The following UNC5C variants were observed in gnomAD, a reference collection of about 807,000 sequenced individuals.
UNC5C encodes the protein unc-5 netrin receptor C, also known as netrin receptor UNC5C.
UNC5C carries 47 observed loss-of-function variants against 99.8 expected under a neutral mutation model. The observed-to-expected ratio is 0.47, with a 90% CI of 0.37 to 0.60. The LOEUF is 0.60. Among genes scored for constraint, UNC5C ranks in the 20% least tolerant of loss-of-function variants. The pLI is 0.00. For synonymous variants in UNC5C, 487 were observed against 452.2 expected, an observed-to-expected ratio of 1.08 and a Z score of -0.98; for missense variants, 1,062 against 1,165.9, an observed-to-expected ratio of 0.91 and a Z score of 1.30.
rs559622877 is a variant in UNC5C at position 95,292,166 on chromosome 4, T to C, written c.490+9440A>G. 1.0e-3 allele frequency among the ~76,000 whole-genome samples: 153 copies of C among 149,836 alleles called. 1 individual carries two copies. Among genetic ancestry groups the C allele is most frequent in the African/African-American group, 3.6e-3 (149 of 41,050 alleles). On this transcript the variant is annotated intron_variant, in intron 3 of 15. Coordinates refer to ENST00000453304, the MANE Select transcript of UNC5C (RefSeq NM_003728.4). Reference sequence around the variant, plus strand: ...GGACTTCTGTACATGTGAACCAATATAATAATTCATGAGATTACATATATA... The same window carrying C: ...GGACTTCTGTACATGTGAACCAATACAATAATTCATGAGATTACATATATA...
chr4:95,279,153 A>G (rs1740964814), intron 3 of UNC5C, among the ~76,000 whole-genome samples: 1 of 152,240 alleles, frequency 6.6e-6, no homozygotes, highest in Non-Finnish European at 1.5e-5. Flanking sequence ...AGTGGAAAAC[A>G]GAATGCTGGA....
rs559852754 is a variant in UNC5C, at chr4:95,366,787, A to G, written c.125-31156T>C. ...TTAAGCGAATTTTTGTCACATTAAA[A>G]CAGCAGAGCTAAACATTGAGGCTGT... On this transcript the variant is annotated intron_variant, in intron 1 of 15. Transcript: ENST00000453304. Among the ~76,000 whole-genome samples, 4 of 152,292 alleles carry G rather than the reference A, an allele frequency of 2.6e-5. No individual in the cohort carries two copies. In the South Asian group the frequency reaches 8.3e-4, roughly 32 times the overall value.
intron 12 of UNC5C, among the ~76,000 whole-genome samples, chr4:95,193,597 A>G (rs1226248144): frequency 6.6e-6 from 1 of 152,064 alleles, no homozygotes; most frequent in Non-Finnish European, 1.5e-5. Context: ...GTTCATTATC[A>G]TGTGTCGAAA....
chr4:95,467,009 C>T (rs1747802035), intron 1 of UNC5C, among the ~76,000 whole-genome samples: 1 of 152,066 alleles, frequency 6.6e-6, no homozygotes, highest in South Asian at 2.1e-4. Context: ...TGGAAGCCAG[C>T]TGTCATGTAA....
intron 2 of UNC5C, among the ~76,000 whole-genome samples, chr4:95,313,319 G>A (rs1005348483): frequency 5.9e-5 from 9 of 152,112 alleles, no homozygotes; most frequent in African/African-American, 1.9e-4. Context: ...TTGTAAATTG[G>A]TAAAATGACA....
At chr4:95,181,936 A>G (rs969905644) in intron 14 of UNC5C, among the ~76,000 whole-genome samples, 1 of 152,228 alleles carries the variant, frequency 6.6e-6, no homozygotes, top group Admixed American at 6.5e-5. Context: ...AGTATTTTAA[A>G]TCATATACTG....
chr4:95,163,950 G>A lies in UNC5C; in HGVS notation c.*5284C>T, dbSNP rs1196674321. The stretch of plus-strand genomic sequence containing the variant: ...GGAGTACCTGTTGGTTTGTCCTGCT[G>A]ATGCCCCCCAACCATGCTAAATAGG... On this transcript the variant is annotated 3_prime_UTR_variant, in exon 16 of 16. Transcript: ENST00000453304. 6.6e-6 allele frequency: 1 copy of A among 152,232 alleles called. No homozygotes were observed. Among genetic ancestry groups the A allele is most frequent in the African/African-American group, 2.4e-5 (1 of 41,436 alleles). The allele number at this position is 152,232 out of a possible 1,614,324, so 9.4% of individuals were successfully genotyped here.
chr4:95,321,919 C>T (rs930703673), intron 2 of UNC5C, among the ~76,000 whole-genome samples: 3 of 152,164 alleles, frequency 2.0e-5, no homozygotes, highest in African/African-American at 7.2e-5. Context: ...GGGCCAGCCT[C>T]ATACTGAAAA....
intron 5 of UNC5C, chr4:95,248,582 G>T (rs13118653): frequency 0.41 from 188,227 of 455,132 alleles, 40,735 homozygotes; most frequent in East Asian, 0.59. Flanking sequence ...GACAGGACTA[G>T]CAGAGTGATC....
At chr4:95,363,303 C>A (rs1486506547) in intron 1 of UNC5C, among the ~76,000 whole-genome samples, 1 of 152,104 alleles carries the variant, frequency 6.6e-6, no homozygotes, top group Non-Finnish European at 1.5e-5. Context: ...TTGGCAGAGG[C>A]ACCACTAAAT....
intron 1 of UNC5C, among the ~76,000 whole-genome samples, chr4:95,416,489 ACTC>A (rs1746169116): frequency 6.6e-6 from 1 of 152,000 alleles, no homozygotes; most frequent in Admixed American, 6.6e-5. Flanking sequence ...GTATGATGGC[ACTC>A]CTCTGCTGTC....
intron 1 of UNC5C, among the ~76,000 whole-genome samples, chr4:95,378,693 T>A (rs1324624186): frequency 6.6e-6 from 1 of 152,220 alleles, no homozygotes; most frequent in East Asian, 1.9e-4. Context: ...TGTTCTTTCA[T>A]AGTAAATTTG....
At chr4:95,545,769 C>T (rs766128247) in intron 1 of UNC5C, among the ~76,000 whole-genome samples, 110 of 139,052 alleles carry the variant, frequency 7.9e-4, no homozygotes, top group Middle Eastern at 7.3e-3. Flanking sequence ...CACGCGCGCG[C>T]GCGCACACAC....
chr4:95,492,986 C>T (rs1335863126), intron 1 of UNC5C, among the ~76,000 whole-genome samples: 1 of 151,208 alleles, frequency 6.6e-6, no homozygotes, highest in Non-Finnish European at 1.5e-5. Flanking sequence ...TTCAGACTAC[C>T]CTTTTAAACT....
At chr4:95,530,313 A>G (rs1722608878) in intron 1 of UNC5C, among the ~76,000 whole-genome samples, 1 of 152,196 alleles carries the variant, frequency 6.6e-6, no homozygotes, top group Non-Finnish European at 1.5e-5. Context: ...TTCCAAAAAT[A>G]TATGCTAAGC....
chr4:95,189,054 G>A lies in UNC5C; in HGVS notation c.2137-3858C>T, dbSNP rs958677971. Among the ~76,000 whole-genome samples the A allele has an allele frequency of 1.6e-4, 24 of 152,174 alleles. 1 individual carries two copies. Among genetic ancestry groups the A allele is most frequent in the Non-Finnish European group, 3.2e-4 (22 of 68,022 alleles). On this transcript the variant is annotated intron_variant, in intron 12 of 15. Transcript: ENST00000453304. Reference sequence around the variant, plus strand: ...TCAGAAGATTTAGGAAGACTTAAGAGAAATATCGTGACCCTGGAAAGAAAT... The same window carrying A: ...TCAGAAGATTTAGGAAGACTTAAGAAAAATATCGTGACCCTGGAAAGAAAT...
chr4:95,203,577 C>T (rs1737767820), intron 11 of UNC5C, among the ~76,000 whole-genome samples: 2 of 152,046 alleles, frequency 1.3e-5, no homozygotes, highest in African/African-American at 4.8e-5. Context: ...CCAAGTGATC[C>T]CCCAACCTCA....
chr4:95,193,120 G>A (rs1281231389), intron 12 of UNC5C, among the ~76,000 whole-genome samples: 4 of 152,222 alleles, frequency 2.6e-5, no homozygotes, highest in South Asian at 2.1e-4. Context: ...GTTTCTGGAT[G>A]TTATTTCTCC....
chr4:95,492,922 TGAG>T (rs1162582090), intron 1 of UNC5C, among the ~76,000 whole-genome samples: 2 of 151,514 alleles, frequency 1.3e-5, no homozygotes, highest in Non-Finnish European at 3.0e-5. Context: ...AGGCATATAT[TGAG>T]TAGTAAATAA....
Sources: gnomAD v4.1 joint callset for allele counts (sites outside exome capture counted in the v4.1 genomes callset) on GRCh38, gnomAD v4.1.1 for gene constraint, MANE v1.5 for transcripts, NCBI Gene and HGNC (gene_info 2026-07-23, HGNC 2026-07-21) for gene names.